Variants in CALCR observed in about 807,000 individuals in gnomAD.
CALCR encodes the protein calcitonin receptor.
In CALCR, 47 loss-of-function variants were observed where a neutral mutation model predicts 59.5. The ratio of observed to expected loss-of-function variants is 0.79; its 90% CI spans 0.63 to 1.01. CALCR has a LOEUF of 1.01. CALCR is among the 50% of genes least tolerant of loss of function. The probability of loss-of-function intolerance (pLI) is 0.00; values close to 1 mark genes in which losing one functional copy is unlikely to be tolerated. For missense variants in CALCR, 566 were observed against 597.1 expected (o/e 0.95, Z 0.54); for synonymous variants, 213 against 211.3 (o/e 1.01, Z -0.07).
intron 2 of CALCR, among the ~76,000 whole-genome samples, chr7:93,537,068 A>G (rs568021526): frequency 8.8e-5 from 12 of 135,676 alleles, no homozygotes; most frequent in Non-Finnish European, 1.9e-4. Flanking sequence ...TTTTGTTACT[A>G]TTCTTGCGAC....
intron 2 of CALCR, among the ~76,000 whole-genome samples, chr7:93,571,369 C>T (rs531014421): frequency 6.6e-6 from 1 of 151,822 alleles, no homozygotes; most frequent in African/African-American, 2.4e-5. Flanking sequence ...TGGCATATAA[C>T]AATAAAAATT....
rs893360107 is a variant in CALCR at position 93,453,242 on chromosome 7, G to A, written c.648+7579C>T. ...TTTTGAGAGTTGTGTGTCAGATGAC[G>A]TTTTGTGGACTTTAGGCATATTAGC... On this transcript the variant is annotated intron_variant, in intron 8 of 13. Transcript: ENST00000426151. 4.6e-5 allele frequency among the ~76,000 whole-genome samples: 7 copies of A among 151,968 alleles called. No individual in the cohort carries two copies. In the East Asian group the frequency reaches 7.7e-4, roughly 17 times the overall value.
intron 2 of CALCR, among the ~76,000 whole-genome samples, chr7:93,512,490 T>C (rs1413883698): frequency 6.6e-6 from 1 of 152,068 alleles, no homozygotes; most frequent in Non-Finnish European, 1.5e-5. Context: ...GCATCACAAT[T>C]TGTAATAAAA....
intron 2 of CALCR, among the ~76,000 whole-genome samples, chr7:93,491,294 A>G (rs948559078): frequency 3.3e-5 from 5 of 152,168 alleles, no homozygotes; most frequent in Non-Finnish European, 5.9e-5. Flanking sequence ...ACCACAAACC[A>G]TAAAAACTCT....
At chr7:93,505,831 G>T (rs1563000436) in intron 2 of CALCR, among the ~76,000 whole-genome samples, 2 of 152,208 alleles carry the variant, frequency 1.3e-5, no homozygotes, top group East Asian at 3.9e-4. Context: ...TCAAAATGGC[G>T]GCTCCACCTT....
At chr7:93,525,827 ATTAAG>A (rs1450493472) in intron 2 of CALCR, among the ~76,000 whole-genome samples, 3 of 152,134 alleles carry the variant, frequency 2.0e-5, no homozygotes, top group East Asian at 3.9e-4. Context: ...TTTGTTTTGT[ATTAAG>A]TTAATTTAAA....
chr7:93,558,986 G>GA (rs1173453814), intron 2 of CALCR, among the ~76,000 whole-genome samples: 2 of 152,080 alleles, frequency 1.3e-5, no homozygotes, highest in Admixed American at 6.6e-5. Context: ...ATTAAAGTGA[G>GA]AAAATCACCA....
intron 2 of CALCR, among the ~76,000 whole-genome samples, chr7:93,559,227 C>G (rs1022255214): frequency 1.5e-4 from 23 of 152,170 alleles, no homozygotes; most frequent in African/African-American, 5.1e-4. Context: ...CTTTCTTACC[C>G]AGATTCACAC....
At chr7:93,524,174 CTTT>C (rs376632123) in intron 2 of CALCR, among the ~76,000 whole-genome samples, 3 of 139,984 alleles carry the variant, frequency 2.1e-5, no homozygotes. Flanking sequence ...ATTTTTTTTT[CTTT>C]TTTTTTTTTT....
intron 3 of CALCR, among the ~76,000 whole-genome samples, chr7:93,480,114 A>C (rs1488664623): frequency 2.0e-5 from 3 of 151,936 alleles, no homozygotes; most frequent in African/African-American, 7.2e-5. Flanking sequence ...TCACTAATGA[A>C]AAATCAATGT....
intron 2 of CALCR, among the ~76,000 whole-genome samples, chr7:93,492,359 A>G (rs1246071890): frequency 1.3e-5 from 2 of 151,368 alleles, no homozygotes; most frequent in Admixed American, 1.3e-4. Context: ...AAACAAAAAT[A>G]GTAAAAAAAA....
intron 2 of CALCR, among the ~76,000 whole-genome samples, chr7:93,552,392 G>A (rs1318421113): frequency 6.6e-6 from 1 of 152,116 alleles, no homozygotes. Flanking sequence ...CCTTTCCAAG[G>A]CCACACTGTT....
chr7:93,557,598 AT>A (rs1240422544), intron 2 of CALCR, among the ~76,000 whole-genome samples: 1 of 151,934 alleles, frequency 6.6e-6, no homozygotes, highest in African/African-American at 2.4e-5. Flanking sequence ...GAAATTTTAT[AT>A]TTAGATATAG....
intron 3 of CALCR, among the ~76,000 whole-genome samples, chr7:93,483,028 C>T (rs1177566846): frequency 6.6e-6 from 1 of 151,690 alleles, no homozygotes; most frequent in East Asian, 2.0e-4. Flanking sequence ...ACAGTCATCC[C>T]TTGGTATACT....
chr7:93,468,639 C>A (rs905510676), intron 7 of CALCR, 76 bp downstream of exon 7: 3 of 981,988 alleles, frequency 3.1e-6, no homozygotes, highest in Non-Finnish European at 3.1e-6. Context: ...TCCCCACCTC[C>A]ACTCTTGCAG....
chr7:93,471,149 C>T (rs542916338), intron 6 of CALCR, among the ~76,000 whole-genome samples: 6 of 151,872 alleles, frequency 4.0e-5, no homozygotes, highest in South Asian at 4.1e-4. Flanking sequence ...GGCCAGTGTA[C>T]GTGAGAAGTC....
At chr7:93,490,171 C>T (rs921202936) in intron 2 of CALCR, among the ~76,000 whole-genome samples, 4 of 151,938 alleles carry the variant, frequency 2.6e-5, no homozygotes, top group African/African-American at 9.7e-5. Flanking sequence ...ATGATTATCT[C>T]AATAGATGCA....
chr7:93,556,019 C>G (rs1430696010), intron 2 of CALCR, among the ~76,000 whole-genome samples: 1 of 152,118 alleles, frequency 6.6e-6, no homozygotes, highest in Non-Finnish European at 1.5e-5. Context: ...GTAGGGCTTC[C>G]CTTAACCAAA....
At chr7:93,527,180 T>C (rs115570605) in intron 2 of CALCR, among the ~76,000 whole-genome samples, 3,035 of 151,904 alleles carry the variant, frequency 0.02, 108 homozygotes, top group African/African-American at 0.069. Flanking sequence ...TTCTAATAGG[T>C]GTCTTGGCAA....
Sources: gnomAD v4.1 joint callset for allele counts (sites outside exome capture counted in the v4.1 genomes callset) on GRCh38, gnomAD v4.1.1 for gene constraint, MANE v1.5 for transcripts, NCBI Gene and HGNC (gene_info 2026-07-23, HGNC 2026-07-21) for gene names.